The following SLC6A20 variants were observed in gnomAD, a reference collection of about 807,000 sequenced individuals.
SLC6A20 encodes sodium- and chloride-dependent transporter XTRP3.
SLC6A20 carries 73 observed loss-of-function variants against 64.3 expected under a neutral mutation model. That is an observed-to-expected ratio of 1.14 (90% CI 0.94 to 1.38). The LOEUF (loss-of-function observed/expected upper bound fraction) is 1.38. Ranked by LOEUF, SLC6A20 falls within the 40% of genes most tolerant of loss-of-function variation. The probability of loss-of-function intolerance (pLI) is 0.00; values close to 1 mark genes in which losing one functional copy is unlikely to be tolerated. For synonymous variants in SLC6A20, 347 were observed against 329.6 expected (o/e 1.05, Z -0.57); for missense variants, 725 against 772.8 (o/e 0.94, Z 0.73).
Position 45,770,256 on chromosome 3 carries a change from T to G in SLC6A20, c.1051A>C (p.Met351Leu), listed in dbSNP as rs147777980. 22 of 1,614,110 alleles carry G rather than the reference T, an allele frequency of 1.4e-5. No homozygotes were observed. The Admixed American group carries it at 1.8e-4, about 13-fold the overall frequency. ...ASAYPSKYSE[M>L]FPQIKNCSLE... ...CTGCAGTTTTTGATTTGCGGGAACA[T>G]CTCGCTGTATTTGCTTGGGTAGGCA... Residue 351 changes from methionine (M) to leucine (L), a missense_variant, in exon 7 of 11, where the codon ATG becomes CTG. Coordinates refer to ENST00000358525, the MANE Select transcript of SLC6A20 (RefSeq NM_020208.4).
intron 1 of SLC6A20, among the ~76,000 whole-genome samples, chr3:45,790,930 C>T (rs545943905): frequency 6.6e-6 from 1 of 152,312 alleles, no homozygotes; most frequent in Admixed American, 6.5e-5. Context: ...GTGTGCTTTT[C>T]TGTGCCTTTT....
intron 4 of SLC6A20, among the ~76,000 whole-genome samples, chr3:45,773,655 TGGCTGGTGGCCTATGTTC>T (rs1451923349): frequency 2.0e-5 from 3 of 152,012 alleles, no homozygotes; most frequent in Non-Finnish European, 4.4e-5. Context: ...GTGAGAAATA[TGGCTGGTGGCCTATGTTC>T]AGGTGGGCTT....
In SLC6A20 at chr3:45,786,962, C is replaced by A. The variant is rs113387307; in HGVS notation, c.122-4739G>T. 5.9e-3 allele frequency among the ~76,000 whole-genome samples: 903 copies of A among 152,334 alleles called. 16 individuals are homozygous for A. Among genetic ancestry groups the A allele is most frequent in the Non-Finnish European group, 6.4e-3 (433 of 68,036 alleles). On this transcript the variant is annotated intron_variant, in intron 1 of 10. Transcript: ENST00000358525. ...CAGCCTGGTGAATCCTTACTCATCACCACCTCCCTGGCACCCACTGTCACA... is the reference window on the plus strand; with the variant it reads ...CAGCCTGGTGAATCCTTACTCATCAACACCTCCCTGGCACCCACTGTCACA...
At position 45,758,651 on chromosome 3, in the gene SLC6A20, A is replaced by G; in HGVS notation, c.*327T>C. 5 of 1,150,026 alleles carry G rather than the reference A, an allele frequency of 4.3e-6. No individual in the cohort carries two copies. In the South Asian group the frequency reaches 1.1e-4, roughly 26 times the overall value. 71.2% of individuals were successfully genotyped at this position (1,150,026 alleles called of 1,614,324 possible). On this transcript the variant is annotated 3_prime_UTR_variant, in exon 11 of 11. Transcript: ENST00000358525. ...ACAAAAATTGCTTAAATTTGGTCCC[A>G]TAAGAATTATAGTCATATTTCAGTT...
intron 1 of SLC6A20, among the ~76,000 whole-genome samples, chr3:45,793,760 A>G (rs1700297117): frequency 6.6e-6 from 1 of 152,208 alleles, no homozygotes; most frequent in South Asian, 2.1e-4. Context: ...TCTGCTTACA[A>G]GGAAGTTATA....
In SLC6A20 at chr3:45,779,934, C is replaced by G. The variant is rs918779355; in HGVS notation, c.354+75G>C. ...TGCTCACCTTGCCCCACACCCCCTT[C>G]CCCGAGCGGGTGGCCCTGTTTTTCT... On this transcript the variant is annotated intron_variant, in intron 3 of 10. Coordinates refer to ENST00000358525, the MANE Select transcript of SLC6A20 (RefSeq NM_020208.4). 4.1e-6 allele frequency: 6 copies of G among 1,477,836 alleles called. No individual in the cohort carries two copies. The African/African-American group carries it at 7.0e-5, about 17-fold the overall frequency. 91.5% of individuals were successfully genotyped at this position (1,477,836 alleles called of 1,614,324 possible). A position where few individuals can be genotyped will look rare whatever the true frequency, so the allele number is the denominator to read the frequency against.
Position 45,758,179 on chromosome 3 carries a change from G to C in SLC6A20, c.*799C>G, listed in dbSNP as rs1448400031. 1 of 181,036 alleles carries C rather than the reference G, an allele frequency of 5.5e-6. No homozygotes were observed. The highest frequency in any genetic ancestry group is 1.2e-5 in the Non-Finnish European group (1 of 85,292). 11.2% of individuals were successfully genotyped at this position (181,036 alleles called of 1,614,324 possible). A position where few individuals can be genotyped will look rare whatever the true frequency, so the allele number is the denominator to read the frequency against. Reference sequence around the variant, plus strand: ...GTGATCCACCCACCTTGACCCCCAAGGTGCTAGGATTACAGGCGTGAGCCA... The same window carrying C: ...GTGATCCACCCACCTTGACCCCCAACGTGCTAGGATTACAGGCGTGAGCCA... On this transcript the variant is annotated 3_prime_UTR_variant, in exon 11 of 11. Transcript: ENST00000358525.
At chr3:45,775,647 C>T in intron 4 of SLC6A20, 114 bp downstream of exon 4, 1 of 984,524 alleles carries the variant, frequency 1.0e-6, no homozygotes, top group Non-Finnish European at 1.5e-6. Flanking sequence ...GCTGCCTTTC[C>T]ACTGCAGAGG....
intron 1 of SLC6A20, among the ~76,000 whole-genome samples, chr3:45,794,163 G>A (rs1402501304): frequency 6.6e-6 from 1 of 152,182 alleles, no homozygotes; most frequent in African/African-American, 2.4e-5. Context: ...AATGGTGGGA[G>A]TTCTCCCAGC....
rs1699898158 is a variant in SLC6A20 at position 45,772,737 on chromosome 3, G to GA, written c.583-123dup. 3 of 765,192 alleles carry GA rather than the reference G, an allele frequency of 3.9e-6. No homozygotes were observed. In the Admixed American group the frequency reaches 8.0e-5, roughly 20 times the overall value. The allele number at this position is 765,192 out of a possible 1,614,324, so 47.4% of individuals were successfully genotyped here. On this transcript the variant is annotated intron_variant, in intron 4 of 10. Transcript: ENST00000358525. ...TGCACCGCCCAGCTGCTGACAGCTG[G>GA]AAAAGGCATGGAGATTCTTGGTCAC... is the stretch of plus-strand genomic sequence containing the variant.
rs970730209 is a variant in SLC6A20, at chr3:45,758,372, G to A, written c.*606C>T. 1 of 1,245,502 alleles carries A rather than the reference G, an allele frequency of 8.0e-7. No individual in the cohort carries two copies. The highest frequency in any genetic ancestry group is 5.8e-5 in the East Asian group (1 of 17,196). The allele number at this position is 1,245,502 out of a possible 1,614,324, so 77.2% of individuals were successfully genotyped here. On this transcript the variant is annotated 3_prime_UTR_variant, in exon 11 of 11. Coordinates refer to ENST00000358525, the MANE Select transcript of SLC6A20 (RefSeq NM_020208.4). The stretch of plus-strand genomic sequence containing the variant: ...TTTTTTGTAGAGAGGTCTGGTCCTG[G>A]ACCCACCGTCAGAGACCTTAGAGAA...
At chr3:45,762,527 T>C (rs1250550141) in intron 9 of SLC6A20, among the ~76,000 whole-genome samples, 2 of 152,246 alleles carry the variant, frequency 1.3e-5, no homozygotes, top group East Asian at 3.8e-4. Context: ...TGCCAAATTT[T>C]CTAAGGTCTA....
chr3:45,760,007 A>G lies in SLC6A20; in HGVS notation c.1479T>C (p.Leu493=), dbSNP rs1699640509. 1 of 1,611,166 alleles carries G rather than the reference A, an allele frequency of 6.2e-7. No individual in the cohort carries two copies. Among genetic ancestry groups the G allele is most frequent in the African/African-American group, 1.3e-5 (1 of 74,710 alleles). Residue 493 remains leucine (L), a synonymous_variant, in exon 10 of 11, where the codon CTT becomes CTC. Coordinates refer to ENST00000358525, the MANE Select transcript of SLC6A20 (RefSeq NM_020208.4). The stretch of plus-strand genomic sequence containing the variant: ...TCACAGCTCGGCCGGTCATGGCCTT[A>G]AGGTCACTTTCAAATCTATTTGGAA... ...VYGLRRFESD[L]KAMTGRAVSW... is the part of the protein sequence containing the mutation.
rs983142239 is a variant in SLC6A20, at chr3:45,759,874, C to T, written c.1612G>A (p.Ala538Thr). 5.0e-6 allele frequency: 8 copies of T among 1,613,680 alleles called. No individual in the cohort carries two copies. The highest frequency in any genetic ancestry group is 6.8e-6 in the Non-Finnish European group (8 of 1,179,826). Residue 538 changes from alanine (A) to threonine (T), a missense_variant, in exon 10 of 11, where the codon GCC becomes ACC. Ala to Thr is a moderately conservative substitution (Grantham distance 58). Transcript: ENST00000358525. ...YILTGTLKYQ[A>T]WDASQGQLVT... ...GTAGATACCTGGGAGGCGTCCCAGG[C>T]TTGATACTTCAGGGTCCCCGTGAGG...
rs200411161 is a variant in SLC6A20 at position 45,759,890 on chromosome 3, C to G, written c.1596G>C (p.Gly532=). 1.2e-6 allele frequency: 2 copies of G among 1,614,070 alleles called. No individual in the cohort carries two copies. The highest frequency in any genetic ancestry group is 1.7e-6 in the Non-Finnish European group (2 of 1,179,978). The change falls in exon 10 of 11, where the codon GGG becomes GGC. Residue 532 remains glycine (G), a synonymous_variant. Coordinates refer to ENST00000358525, the MANE Select transcript of SLC6A20 (RefSeq NM_020208.4). ...VFYLSDYILT[G]TLKYQAWDAS... ...CGTCCCAGGCTTGATACTTCAGGGT[C>G]CCCGTGAGGATGTAGTCGCTCAGGT...
At chr3:45,778,995 A>T (rs1428601180) in intron 3 of SLC6A20, among the ~76,000 whole-genome samples, 2 of 152,228 alleles carry the variant, frequency 1.3e-5, no homozygotes, top group Non-Finnish European at 2.9e-5. Flanking sequence ...TATTAAAGTC[A>T]TTCACCCAAG....
At chr3:45,777,162 C>T (rs1055361784) in intron 3 of SLC6A20, among the ~76,000 whole-genome samples, 1 of 152,172 alleles carries the variant, frequency 6.6e-6, no homozygotes, top group Non-Finnish European at 1.5e-5. Context: ...CTGACCACCC[C>T]ACTGGGCTCA....
chr3:45,780,240 A>AG, intron 2 of SLC6A20, 140 bp from the exon 3 acceptor site: 2 of 693,748 alleles, frequency 2.9e-6, no homozygotes, highest in South Asian at 3.6e-5. Context: ...TTGTGTGGTG[A>AG]GTATTAAGCG....
Position 45,780,080 on chromosome 3 carries a change from A to C in SLC6A20, c.283T>G (p.Ser95Ala). The C allele has an allele frequency of 3.8e-6, 6 of 1,599,182 alleles. No individual in the cohort carries two copies. The highest frequency in any genetic ancestry group is 5.1e-6 in the Non-Finnish European group (6 of 1,172,630). The change falls in exon 3 of 11, where the codon TCT becomes GCT. Residue 95 changes from serine to alanine, a missense_variant. Physicochemically the swap from Ser to Ala is moderately conservative, Grantham distance 99. Coordinates refer to ENST00000358525, the MANE Select transcript of SLC6A20 (RefSeq NM_020208.4). ...SGVGVASVVV[S>A]FFLSMYYNVI... The stretch of plus-strand genomic sequence containing the variant: ...TTGTAGTACATGGAGAGGAAGAAAG[A>C]GACCACCACGCTGGCGACCCCTGCG...
Sources: gnomAD v4.1 joint callset for allele counts (sites outside exome capture counted in the v4.1 genomes callset) on GRCh38, gnomAD v4.1.1 for gene constraint, MANE v1.5 for transcripts, NCBI Gene and HGNC (gene_info 2026-07-23, HGNC 2026-07-21) for gene names.